AFG2A: variants seen among roughly 807,000 people sequenced by gnomAD.
AFG2A encodes the protein ATPase family gene 2 protein homolog A.
chr4:123,115,169 G>GCAAGTTCCC, the AFG2A span, among the ~76,000 whole-genome samples: 1 of 152,012 alleles, frequency 6.6e-6, no homozygotes, highest in Non-Finnish European at 1.5e-5. Context: ...TGACATTGCC[G>GCAAGTTCCC]CAAGTTCCCC....
At chr4:123,114,901 C>G in the AFG2A span, among the ~76,000 whole-genome samples, 1 of 152,218 alleles carries the variant, frequency 6.6e-6, no homozygotes. Context: ...AGTGGCAGCA[C>G]CTTTGGCCAG....
chr4:123,137,750 ATTCTTCGGTTTTCCTTT>A, the AFG2A span, among the ~76,000 whole-genome samples: 1 of 151,892 alleles, frequency 6.6e-6, no homozygotes, highest in Admixed American at 6.6e-5. Flanking sequence ...TCCGTTTTTC[ATTCTTCGGTTTTCCTTT>A]TTCTGCCTTC....
At chr4:123,021,210 C>CT in the AFG2A span, among the ~76,000 whole-genome samples, 14 of 149,744 alleles carry the variant, frequency 9.3e-5, no homozygotes, top group East Asian at 1.9e-4. Context: ...GTTATTTAAG[C>CT]TTTTTTTAAA....
chr4:123,305,503 A>G, the AFG2A span, among the ~76,000 whole-genome samples: 220 of 152,362 alleles, frequency 1.4e-3, 1 homozygote, highest in African/African-American at 5.1e-3. Flanking sequence ...GCTTAAATTT[A>G]CAATTGGGTT....
the AFG2A span, among the ~76,000 whole-genome samples, chr4:123,199,573 G>A: frequency 7.1e-6 from 1 of 140,842 alleles, no homozygotes; most frequent in Non-Finnish European, 1.5e-5. Context: ...CCGGGTTCAA[G>A]CGATTCTCCC....
chr4:123,045,256 A>G, the AFG2A span, among the ~76,000 whole-genome samples: 1 of 152,222 alleles, frequency 6.6e-6, no homozygotes, highest in South Asian at 2.1e-4. Flanking sequence ...TTCTTCAACC[A>G]TTTGAATTTA....
the AFG2A span, among the ~76,000 whole-genome samples, chr4:123,035,639 A>G: frequency 6.6e-6 from 1 of 152,106 alleles, no homozygotes; most frequent in African/African-American, 2.4e-5. Context: ...ACAGTATACT[A>G]TGTTAAAGTT....
the AFG2A span, among the ~76,000 whole-genome samples, chr4:123,252,146 CTTTTA>C: frequency 6.6e-6 from 1 of 152,020 alleles, no homozygotes; most frequent in Non-Finnish European, 1.5e-5. Flanking sequence ...CTATACAAAC[CTTTTA>C]TTTTGTTTCT....
the AFG2A span, among the ~76,000 whole-genome samples, chr4:123,297,315 G>A: frequency 1.3e-5 from 2 of 152,248 alleles, no homozygotes; most frequent in East Asian, 3.9e-4. Context: ...TTCATTGGTG[G>A]CCCTTGAGGC....
chr4:122,937,662 T>A, the AFG2A span, among the ~76,000 whole-genome samples: 1 of 152,252 alleles, frequency 6.6e-6, no homozygotes, highest in Non-Finnish European at 1.5e-5. Flanking sequence ...TGAGATTTCC[T>A]TCTGTGAGAG....
the AFG2A span, among the ~76,000 whole-genome samples, chr4:122,941,844 G>GC: frequency 6.6e-6 from 1 of 151,404 alleles, no homozygotes; most frequent in Non-Finnish European, 1.5e-5. Context: ...TTAGCATGAA[G>GC]GTTGTTGAAT....
the AFG2A span, among the ~76,000 whole-genome samples, chr4:123,118,477 C>T: frequency 6.6e-6 from 1 of 151,012 alleles, no homozygotes; most frequent in Non-Finnish European, 1.5e-5. Context: ...CTTTTTCTCT[C>T]AGTAAATGGG....
the AFG2A span, among the ~76,000 whole-genome samples, chr4:123,158,538 C>T: frequency 3.3e-5 from 5 of 152,156 alleles, no homozygotes. Context: ...CATCTCTCTT[C>T]ATCTTGACAA....
the AFG2A span, among the ~76,000 whole-genome samples, chr4:123,065,952 CA>C: frequency 6.6e-6 from 1 of 151,896 alleles, no homozygotes; most frequent in African/African-American, 2.4e-5. Context: ...AAAACATGAT[CA>C]AATATATTTA....
At chr4:123,154,682 T>G in the AFG2A span, among the ~76,000 whole-genome samples, 1 of 152,194 alleles carries the variant, frequency 6.6e-6, no homozygotes, top group Non-Finnish European at 1.5e-5. Context: ...GGACCTTAAT[T>G]TCCAAAAGGA....
At chr4:122,948,116 A>T in the AFG2A span, among the ~76,000 whole-genome samples, 1 of 152,110 alleles carries the variant, frequency 6.6e-6, no homozygotes, top group Non-Finnish European at 1.5e-5. Context: ...GTCAGAAGTT[A>T]TGCATAGTTT....
At chr4:123,082,216 A>G in the AFG2A span, among the ~76,000 whole-genome samples, 1,629 of 152,168 alleles carry the variant, frequency 0.011, 37 homozygotes, top group African/African-American at 0.036. Context: ...ACCCAAGGTC[A>G]TCTTGGTTTT....
At chr4:123,265,259 TGG>T in the AFG2A span, among the ~76,000 whole-genome samples, 1 of 152,130 alleles carries the variant, frequency 6.6e-6, no homozygotes, top group African/African-American at 2.4e-5. Flanking sequence ...TCTATGATTT[TGG>T]GGATACTTGG....
the AFG2A span, among the ~76,000 whole-genome samples, chr4:123,131,331 A>C: frequency 2.0e-5 from 3 of 152,146 alleles, no homozygotes; most frequent in African/African-American, 2.4e-5. Flanking sequence ...TGCGGTAAAA[A>C]AGCACATAAC....
Sources: gnomAD v4.1 joint callset for allele counts (sites outside exome capture counted in the v4.1 genomes callset) on GRCh38, gnomAD v4.1.1 for gene constraint, MANE v1.5 for transcripts, NCBI Gene and HGNC (gene_info 2026-07-23, HGNC 2026-07-21) for gene names.